HAO1: variants seen among roughly 807,000 people sequenced by gnomAD.
HAO1 encodes the protein 2-Hydroxyacid oxidase 1.
In HAO1, 34 loss-of-function variants were observed where a neutral mutation model predicts 39.7. The ratio of observed to expected loss-of-function variants is 0.86; its 90% CI spans 0.65 to 1.14. HAO1 has a LOEUF of 1.14. Ranked by LOEUF, HAO1 falls within the 50% of genes most tolerant of loss-of-function variation. The pLI, the probability that HAO1 is intolerant of heterozygous loss-of-function variation, is 0.00. For missense variants in HAO1, 479 were observed against 464.5 expected, an observed-to-expected ratio of 1.03 and a Z score of -0.29; for synonymous variants, 172 against 173.2, an observed-to-expected ratio of 0.99 and a Z score of 0.05.
intron 3 of HAO1, among the ~76,000 whole-genome samples, chr20:7,909,383 A>ATG (rs58387643): frequency 0.13 from 16,300 of 123,636 alleles, 1,311 homozygotes; most frequent in East Asian, 0.3. Context: ...ATATATGTAT[A>ATG]TATATATATA....
intron 2 of HAO1, among the ~76,000 whole-genome samples, chr20:7,927,694 T>C (rs2050366016): frequency 1.3e-5 from 2 of 152,372 alleles, no homozygotes; most frequent in South Asian, 4.1e-4. Flanking sequence ...ATTTCACTTC[T>C]GTGGCTTATT....
intron 4 of HAO1, among the ~76,000 whole-genome samples, chr20:7,900,013 G>A (rs1338998516): frequency 6.6e-6 from 1 of 152,126 alleles, no homozygotes; most frequent in Non-Finnish European, 1.5e-5. Context: ...CAAAACGTAA[G>A]TACTCAAGAT....
intron 2 of HAO1, among the ~76,000 whole-genome samples, chr20:7,916,937 T>A (rs2050309722): frequency 6.6e-6 from 1 of 152,148 alleles, no homozygotes; most frequent in African/African-American, 2.4e-5. Context: ...TTCATTAAGA[T>A]TTGGAAATGT....
chr20:7,924,933 G>C (rs2050352289), intron 2 of HAO1, among the ~76,000 whole-genome samples: 1 of 152,088 alleles, frequency 6.6e-6, no homozygotes, highest in African/African-American at 2.4e-5. Context: ...GGGAAAATAT[G>C]CGATGACCAA....
At chr20:7,934,730 A>G in intron 1 of HAO1, 95 bp from the exon 2 acceptor site, 2 of 765,018 alleles carry the variant, frequency 2.6e-6, no homozygotes, top group Non-Finnish European at 3.9e-6. Context: ...GAAAAAATAT[A>G]ATTGGATTTT....
At chr20:7,893,073 G>T (rs1178021437) in intron 5 of HAO1, among the ~76,000 whole-genome samples, 1 of 152,044 alleles carries the variant, frequency 6.6e-6, no homozygotes, top group East Asian at 1.9e-4. Flanking sequence ...GAGACTCATT[G>T]CTGCTAAGCC....
chr20:7,917,385 G>A (rs1041965761), intron 2 of HAO1, among the ~76,000 whole-genome samples: 1 of 150,638 alleles, frequency 6.6e-6, no homozygotes, highest in African/African-American at 2.4e-5. Flanking sequence ...GTTACCTAAG[G>A]TCACACAGAA....
At chr20:7,934,709 T>C (rs2050402264) in intron 1 of HAO1, 74 bp from the exon 2 acceptor site, 3 of 885,938 alleles carry the variant, frequency 3.4e-6, no homozygotes, top group Non-Finnish European at 4.7e-6. Context: ...GACATTACAT[T>C]TTAGTTAAAA....
chr20:7,887,932 A>G (rs1475049748), intron 5 of HAO1, among the ~76,000 whole-genome samples: 1 of 152,126 alleles, frequency 6.6e-6, no homozygotes, highest in Non-Finnish European at 1.5e-5. Flanking sequence ...CTAGGTGTAT[A>G]TTACACAAAA....
At chr20:7,891,789 T>C (rs751210058) in intron 5 of HAO1, among the ~76,000 whole-genome samples, 1 of 152,212 alleles carries the variant, frequency 6.6e-6, no homozygotes, top group Non-Finnish European at 1.5e-5. Flanking sequence ...ACCATTTGGC[T>C]ATTTTTCCCT....
At chr20:7,886,048 A>G (rs2050149788) in intron 5 of HAO1, among the ~76,000 whole-genome samples, 184 bp from the exon 6 acceptor site, 1 of 152,180 alleles carries the variant, frequency 6.6e-6, no homozygotes, top group Admixed American at 6.5e-5. Flanking sequence ...TAACTAAAAC[A>G]CCAACTAAAT....
At chr20:7,907,577 C>T (rs1383063468) in intron 3 of HAO1, among the ~76,000 whole-genome samples, 2 of 152,164 alleles carry the variant, frequency 1.3e-5, no homozygotes, top group African/African-American at 4.8e-5. Context: ...AGGCTCACAG[C>T]CTGCTTCTAG....
intron 4 of HAO1, among the ~76,000 whole-genome samples, chr20:7,897,975 A>G (rs2050205107): frequency 1.3e-5 from 2 of 152,178 alleles, no homozygotes; most frequent in East Asian, 1.9e-4. Context: ...ACTAAGAGGC[A>G]ATTAGACTGT....
chr20:7,937,019 G>GTTT (rs2050415889), intron 1 of HAO1, among the ~76,000 whole-genome samples: 1 of 152,008 alleles, frequency 6.6e-6, no homozygotes, highest in Non-Finnish European at 1.5e-5. Flanking sequence ...TGGTTCAACT[G>GTTT]GCAAACAGTT....
At chr20:7,928,998 C>A (rs965510735) in intron 2 of HAO1, among the ~76,000 whole-genome samples, 3 of 152,164 alleles carry the variant, frequency 2.0e-5, no homozygotes, top group African/African-American at 4.8e-5. Context: ...TGGCTGCCCC[C>A]TTCTGATGGA....
At chr20:7,917,603 A>G (rs952153197) in intron 2 of HAO1, among the ~76,000 whole-genome samples, 2 of 152,172 alleles carry the variant, frequency 1.3e-5, no homozygotes, top group Non-Finnish European at 2.9e-5. Flanking sequence ...ATGGAATCTT[A>G]GAATCCAGTG....
At chr20:7,930,486 G>T (rs902818532) in intron 2 of HAO1, among the ~76,000 whole-genome samples, 1 of 152,082 alleles carries the variant, frequency 6.6e-6, no homozygotes, top group Non-Finnish European at 1.5e-5. Context: ...TATTATCCTG[G>T]TTTGCATACT....
At chr20:7,933,623 A>G (rs569148213) in intron 2 of HAO1, among the ~76,000 whole-genome samples, 2 of 152,338 alleles carry the variant, frequency 1.3e-5, no homozygotes, top group East Asian at 1.9e-4. Context: ...CAAGAAGGGA[A>G]GTGAATTCAC....
chr20:7,909,631 G>A (rs2050267829), intron 3 of HAO1, among the ~76,000 whole-genome samples: 1 of 151,208 alleles, frequency 6.6e-6, no homozygotes, highest in African/African-American at 2.4e-5. Flanking sequence ...TAGTAATTTA[G>A]CATCATAAAA....
Sources: gnomAD v4.1 joint callset for allele counts (sites outside exome capture counted in the v4.1 genomes callset) on GRCh38, gnomAD v4.1.1 for gene constraint, MANE v1.5 for transcripts, NCBI Gene and HGNC (gene_info 2026-07-23, HGNC 2026-07-21) for gene names.